LNP1: variants seen among roughly 807,000 people sequenced by gnomAD.
The protein encoded by LNP1 is leukemia NUP98 fusion partner 1.
A neutral mutation model predicts 14.5 loss-of-function variants in LNP1; 12 were observed. The ratio of observed to expected loss-of-function variants is 0.83; its 90% confidence interval spans 0.53 to 1.34. The LOEUF is 1.34. Ranked by LOEUF, LNP1 falls within the 40% of genes most tolerant of loss-of-function variation. The probability of loss-of-function intolerance (pLI) is 0.00; values close to 1 mark genes in which losing one functional copy is unlikely to be tolerated. For synonymous variants in LNP1, 75 were observed against 71.4 expected, an observed-to-expected ratio of 1.05 and a Z score of -0.26; for missense variants, 198 against 210.9, an observed-to-expected ratio of 0.94 and a Z score of 0.38.
chr3:100,403,165 C>T (rs147022194), intron 1 of LNP1, among the ~76,000 whole-genome samples: 3 of 152,318 alleles, frequency 2.0e-5, no homozygotes, highest in East Asian at 3.9e-4. Flanking sequence ...ATGGTGAAAA[C>T]ATCTACCTCT....
At chr3:100,413,023 C>T (rs1005790380) in intron 1 of LNP1, among the ~76,000 whole-genome samples, 2 of 152,214 alleles carry the variant, frequency 1.3e-5, no homozygotes, top group African/African-American at 2.4e-5. Flanking sequence ...CCATTGCTGT[C>T]CAATACCACT....
At chr3:100,409,372 C>A (rs1201326928) in intron 1 of LNP1, among the ~76,000 whole-genome samples, 1 of 151,674 alleles carries the variant, frequency 6.6e-6, no homozygotes, top group Non-Finnish European at 1.5e-5. Context: ...AGGCTGGGCA[C>A]GGTGGCTCAT....
intron 1 of LNP1, among the ~76,000 whole-genome samples, chr3:100,405,813 C>T (rs1021857146): frequency 3.3e-5 from 5 of 152,158 alleles, no homozygotes; most frequent in African/African-American, 1.2e-4. Context: ...TGTCACCCTG[C>T]ACCTTGATAT....
chr3:100,414,744 G>T (rs1004489394), intron 1 of LNP1, among the ~76,000 whole-genome samples: 3 of 152,258 alleles, frequency 2.0e-5, no homozygotes, highest in African/African-American at 7.2e-5. Context: ...CCAACAACCA[G>T]TGAGAAAATG....
intron 1 of LNP1, among the ~76,000 whole-genome samples, chr3:100,411,440 T>C (rs1707031403): frequency 6.6e-6 from 1 of 152,232 alleles, no homozygotes; most frequent in Non-Finnish European, 1.5e-5. Context: ...GGATGAATGA[T>C]GAATGTATTT....
Position 100,455,881 on chromosome 3 carries a change from T to C in LNP1, c.492T>C (p.His164=), listed in dbSNP as rs770409526. 24 of 1,614,032 alleles carry C rather than the reference T, an allele frequency of 1.5e-5. No individual in the cohort carries two copies. Among genetic ancestry groups the C allele is most frequent in the Non-Finnish European group, 1.7e-5 (20 of 1,179,930 alleles). Residue 164 remains histidine, a synonymous_variant, in exon 4 of 4, where the codon CAT becomes CAC. Transcript: ENST00000383693. ...AAAGGAGCTCTAGGAAAGAAGAGCA[T>C]GGAGAAGCACACATGGCTCCCCTGT... ...EEERSSRKEE[H]GEAHMAPLFE...
At chr3:100,424,752 C>T (rs1248845606) in intron 1 of LNP1, among the ~76,000 whole-genome samples, 1 of 152,192 alleles carries the variant, frequency 6.6e-6, no homozygotes, top group Non-Finnish European at 1.5e-5. Flanking sequence ...GCAAGCAGGT[C>T]CTTCTAAGGA....
chr3:100,420,725 T>A (rs879945351), intron 1 of LNP1, among the ~76,000 whole-genome samples: 1 of 152,184 alleles, frequency 6.6e-6, no homozygotes, highest in Non-Finnish European at 1.5e-5. Context: ...TTGTAAACAT[T>A]TTCCACCAGT....
intron 1 of LNP1, among the ~76,000 whole-genome samples, chr3:100,425,435 T>C (rs918458856): frequency 6.6e-6 from 1 of 152,200 alleles, no homozygotes; most frequent in Non-Finnish European, 1.5e-5. Flanking sequence ...CTGTTGGGTG[T>C]GATCATAGGC....
chr3:100,413,392 C>T (rs1707049076), intron 1 of LNP1, among the ~76,000 whole-genome samples: 1 of 152,136 alleles, frequency 6.6e-6, no homozygotes, highest in Non-Finnish European at 1.5e-5. Context: ...AAGTGGTTGC[C>T]CTTTTTGCTG....
Position 100,455,778 on chromosome 3 carries a change from G to A in LNP1, c.389G>A (p.Gly130Glu), listed in dbSNP as rs1333521605. Residue 130 changes from glycine to glutamate, a missense_variant and splice_region_variant, in exon 4 of 4, where the codon GGA becomes GAA. Transcript: ENST00000383693. ...CFRTKRSASLGPESRKERNER... is the reference protein window; with the variant it reads ...CFRTKRSASLEPESRKERNER... ...CTGTTTCTGATCTTTCCCTTTCAGGGACCTGAAAGCAGAAAGGAGAGAAAT... is the reference window on the plus strand; with the variant it reads ...CTGTTTCTGATCTTTCCCTTTCAGGAACCTGAAAGCAGAAAGGAGAGAAAT... The A allele has an allele frequency of 3.1e-6, 5 of 1,613,512 alleles. No homozygotes were observed. The highest frequency in any genetic ancestry group is 1.7e-5 in the Admixed American group (1 of 59,910).
Position 100,413,957 on chromosome 3 carries a change from C to A in LNP1, c.-34+11518C>A, listed in dbSNP as rs191237223. On this transcript the variant is annotated intron_variant, in intron 1 of 3. Transcript: ENST00000383693. The stretch of plus-strand genomic sequence containing the variant: ...CATCTTTCTGCCATTTTTTCCCGAC[C>A]AGTGGAAGATAGCCTTAACTTCAAC... 2.7e-3 allele frequency among the ~76,000 whole-genome samples: 410 copies of A among 152,076 alleles called. 1 individual carries two copies. Among genetic ancestry groups the A allele is most frequent in the Non-Finnish European group, 4.5e-3 (305 of 67,998 alleles).
Position 100,433,986 on chromosome 3 carries a change from T to C in LNP1, c.156+4101T>C, listed in dbSNP as rs916780227. On this transcript the variant is annotated intron_variant, in intron 2 of 3. Coordinates refer to ENST00000383693, the MANE Select transcript of LNP1 (RefSeq NM_001085451.2). The stretch of plus-strand genomic sequence containing the variant: ...ATTAGACTTTTGTTAGATGAGTAGA[T>C]TGCAAACATTTTCCCCCATTCCATA... Among the ~76,000 whole-genome samples the C allele has an allele frequency of 1.6e-4, 24 of 152,368 alleles. No homozygotes were observed. In the South Asian group the frequency reaches 1.9e-3, roughly 12 times the overall value.
Position 100,429,768 on chromosome 3 carries a change from T to A in LNP1, c.39T>A (p.Phe13Leu). The A allele has an allele frequency of 6.2e-7, 1 of 1,613,924 alleles. No homozygotes were observed. The highest frequency in any genetic ancestry group is 8.5e-7 in the Non-Finnish European group (1 of 1,179,906). The change falls in exon 2 of 4, where the codon TTT becomes TTA. Residue 13 changes from phenylalanine to leucine, a missense_variant. Phe to Leu is a conservative substitution (Grantham distance 22). Transcript: ENST00000383693. ...ATGATGATGATGATGATGTGTCTTT[T>A]GCCAAATGGATGAGCAGCTTCTGGG... Reference protein sequence around the residue: ...HKDDDDDDVSFAKWMSSFWGH... With the variant: ...HKDDDDDDVSLAKWMSSFWGH...
Position 100,402,394 on chromosome 3 carries a change from G to T in LNP1, c.-79G>T, listed in dbSNP as rs1041527877. ...AGAATGGACTGATTAAAATAGAATGGCCTAATTGGAAAGAATTTCAGGATC... is the reference window on the plus strand; with the variant it reads ...AGAATGGACTGATTAAAATAGAATGTCCTAATTGGAAAGAATTTCAGGATC... On this transcript the variant is annotated 5_prime_UTR_variant, in exon 1 of 4. Coordinates refer to ENST00000383693, the MANE Select transcript of LNP1 (RefSeq NM_001085451.2). The T allele has an allele frequency of 6.6e-6, 1 of 152,206 alleles. No individual in the cohort carries two copies. The highest frequency in any genetic ancestry group is 2.4e-5 in the African/African-American group (1 of 41,442). The allele number at this position is 152,206 out of a possible 1,614,324, so 9.4% of individuals were successfully genotyped here. A position where few individuals can be genotyped will look rare whatever the true frequency, so the allele number is the denominator to read the frequency against.
chr3:100,445,122 ATG>A (rs1707375966), intron 2 of LNP1, among the ~76,000 whole-genome samples: 1 of 152,246 alleles, frequency 6.6e-6, no homozygotes, highest in East Asian at 1.9e-4. Flanking sequence ...AAACACAAAA[ATG>A]AGGCAGGCAT....
intron 1 of LNP1, among the ~76,000 whole-genome samples, chr3:100,417,786 G>T (rs1216104897): frequency 1.3e-5 from 2 of 151,578 alleles, no homozygotes; most frequent in Non-Finnish European, 2.9e-5. Flanking sequence ...TCTTTTTCGG[G>T]GAGTTCATTA....
intron 1 of LNP1, among the ~76,000 whole-genome samples, chr3:100,419,182 A>G (rs1707119713): frequency 6.6e-6 from 1 of 152,228 alleles, no homozygotes; most frequent in Non-Finnish European, 1.5e-5. Context: ...GGATTCAAAC[A>G]GATTAAAAAC....
intron 2 of LNP1, among the ~76,000 whole-genome samples, chr3:100,443,985 G>C (rs1434782572): frequency 6.6e-6 from 1 of 152,084 alleles, no homozygotes; most frequent in Non-Finnish European, 1.5e-5. Context: ...ACAAAACAAA[G>C]GCTCAGCAGT....
Sources: allele counts gnomAD v4.1 joint callset (sites outside exome capture counted in the v4.1 genomes callset), GRCh38; gene constraint gnomAD v4.1.1; transcripts MANE v1.5; gene names NCBI Gene and HGNC (gene_info 2026-07-23, HGNC 2026-07-21).